Variants in TMEM218 observed in about 807,000 individuals in gnomAD.
TMEM218 encodes transmembrane protein 218.
Under a neutral mutation model 10.0 loss-of-function variants are expected in TMEM218, and 8 were observed. The observed-to-expected ratio is 0.80, with a 90% CI of 0.47 to 1.44. The LOEUF (loss-of-function observed/expected upper bound fraction) is 1.44, where lower values mean the gene tolerates loss of function less well. TMEM218 is among the 40% of genes most tolerant of loss of function. The probability of loss-of-function intolerance (pLI) is 0.00; values close to 1 mark genes in which losing one functional copy is unlikely to be tolerated. For synonymous variants in TMEM218, 66 were observed against 63.5 expected, an observed-to-expected ratio of 1.04 and a Z score of -0.18; for missense variants, 110 against 140.1, an observed-to-expected ratio of 0.79 and a Z score of 1.08.
chr11:125,106,950 A>G (rs1952327267), intron 1 of TMEM218, among the ~76,000 whole-genome samples: 1 of 152,208 alleles, frequency 6.6e-6, no homozygotes, highest in Non-Finnish European at 1.5e-5. Flanking sequence ...ATAGTACTCT[A>G]CAATCTATTC....
intron 1 of TMEM218, among the ~76,000 whole-genome samples, chr11:125,105,840 G>A (rs1011523121): frequency 7.9e-5 from 12 of 151,996 alleles, no homozygotes; most frequent in East Asian, 3.9e-4. Flanking sequence ...CAAAGAATAC[G>A]CAAGGAAAAT....
chr11:125,106,674 C>T (rs1353946237), intron 1 of TMEM218, among the ~76,000 whole-genome samples: 2 of 152,220 alleles, frequency 1.3e-5, no homozygotes, highest in African/African-American at 2.4e-5. Context: ...ATGAAAACAA[C>T]AGACAACAGC....
In TMEM218 at chr11:125,102,188, G is replaced by A. The variant is rs1565425458; in HGVS notation, c.54C>T (p.Leu18=). ...VGAGVFILAL[L]WVAVLLLCVL... The stretch of plus-strand genomic sequence containing the variant: ...CACACAGCAGCAGCACTGCCACCCA[G>A]AGCAGGGCTAAGATGAACACGCCCG... Residue 18 remains leucine, a synonymous_variant, in exon 3 of 5, where the codon CTC becomes CTT. Transcript: ENST00000682305. 4 of 1,612,028 alleles carry A rather than the reference G, an allele frequency of 2.5e-6. 1 individual carries two copies. The highest frequency in any genetic ancestry group is 2.2e-5 in the East Asian group (1 of 44,800).
At chr11:125,110,176 A>ATTATTGTTATTGAG (rs1953444346) in intron 1 of TMEM218, among the ~76,000 whole-genome samples, 1 of 151,628 alleles carries the variant, frequency 6.6e-6, no homozygotes, top group Admixed American at 6.6e-5. Flanking sequence ...GAATAGCTAA[A>ATTATTGTTATTGAG]TTATTGTTAT....
rs1565440544 is a variant in TMEM218, at chr11:125,109,402, GGT to G, written c.-153+2135_-153+2136del. ...CAGAGGGAGGAAGGAAAGGGAATGGGGTTAGGAGTGGAAATAAAAGGGATCTG... is the reference window on the plus strand; with the variant it reads ...CAGAGGGAGGAAGGAAAGGGAATGGGTAGGAGTGGAAATAAAAGGGATCTG... On this transcript the variant is annotated intron_variant, in intron 1 of 4. Transcript: ENST00000682305. Among the ~76,000 whole-genome samples the G allele has an allele frequency of 2.0e-5, 3 of 152,220 alleles. No individual in the cohort carries two copies. In the East Asian group the frequency reaches 5.8e-4, roughly 29 times the overall value.
intron 4 of TMEM218, among the ~76,000 whole-genome samples, chr11:125,099,947 A>AGTGGGGT (rs1950417074): frequency 6.6e-6 from 1 of 151,342 alleles, no homozygotes; most frequent in African/African-American, 2.4e-5. Context: ...AAAAAAGATA[A>AGTGGGGT]GTGAGGTGTG....
At chr11:125,099,269 C>T (rs1225822771) in intron 4 of TMEM218, among the ~76,000 whole-genome samples, 1 of 152,156 alleles carries the variant, frequency 6.6e-6, no homozygotes, top group African/African-American at 2.4e-5. Context: ...ACCTTGGCTC[C>T]GGTACTGAAC....
intron 3 of TMEM218, chr11:125,101,572 A>G: frequency 7.5e-7 from 1 of 1,325,976 alleles, no homozygotes; most frequent in Non-Finnish European, 1.0e-6. Flanking sequence ...CAAAGTCATA[A>G]TCAAGAAAAA....
At chr11:125,106,605 C>T (rs955772855) in intron 1 of TMEM218, among the ~76,000 whole-genome samples, 6 of 152,150 alleles carry the variant, frequency 3.9e-5, no homozygotes, top group African/African-American at 9.7e-5. Flanking sequence ...ATTAGTCATC[C>T]GGAAATTGCA....
chr11:125,094,703 A>C lies in TMEM218; in HGVS notation c.*2903T>G, dbSNP rs192548070. 6.6e-6 allele frequency among the ~76,000 whole-genome samples: 1 copy of C among 152,368 alleles called. No individual in the cohort carries two copies. Among genetic ancestry groups the C allele is most frequent in the East Asian group, 1.9e-4 (1 of 5,192 alleles). ...AAACCAGAAACACTTCAACTGCAAC[A>C]ACCATGAAATAGAGTTGATACTAAA... On this transcript the variant is annotated 3_prime_UTR_variant, in exon 5 of 5. Coordinates refer to ENST00000682305, the MANE Select transcript of TMEM218 (RefSeq NM_001258244.2).
chr11:125,108,274 G>C lies in TMEM218; in HGVS notation c.-153+3265C>G, dbSNP rs1010263435. Among the ~76,000 whole-genome samples, 2 of 152,196 alleles carry C rather than the reference G, an allele frequency of 1.3e-5. No homozygotes were observed. Among genetic ancestry groups the C allele is most frequent in the African/African-American group, 4.8e-5 (2 of 41,442 alleles). On this transcript the variant is annotated intron_variant, in intron 1 of 4. Transcript: ENST00000682305. This position sits in a 1 kb window ranked among gnomAD's most constrained non-coding sequence, Gnocchi z 5.3. ...CAGAAACAGATCCATGCATTTGTGAGAACTTCCTACAGCACAGAGTTGGCT... is the reference window on the plus strand; with the variant it reads ...CAGAAACAGATCCATGCATTTGTGACAACTTCCTACAGCACAGAGTTGGCT...
At chr11:125,107,908 G>C (rs986363894) in intron 1 of TMEM218, among the ~76,000 whole-genome samples, 2 of 148,236 alleles carry the variant, frequency 1.3e-5, no homozygotes, top group East Asian at 3.9e-4. Flanking sequence ...AAGAGAGAGA[G>C]AGGACCTGAA....
At chr11:125,099,190 C>T (rs1388114662) in intron 4 of TMEM218, among the ~76,000 whole-genome samples, 1 of 152,178 alleles carries the variant, frequency 6.6e-6, no homozygotes, top group Non-Finnish European at 1.5e-5. Flanking sequence ...CTCAGCTGCT[C>T]CAGAGATTAC....
At position 125,102,142 on chromosome 11, in the gene TMEM218, C is replaced by T. The variant is rs555162278; in HGVS notation, c.100G>A (p.Gly34Arg). 5.6e-5 allele frequency: 87 copies of T among 1,567,530 alleles called. 1 individual carries two copies. The South Asian group carries it at 7.3e-4, about 13-fold the overall frequency. ...LLCVLLSRAS[G>R]AARFSVIFLF... Reference sequence around the variant, plus strand: ...GACAGAATGCCTTACCTCGCCGCCCCGGAGGCTCTGGACAGCAGCACACAC... The same window carrying T: ...GACAGAATGCCTTACCTCGCCGCCCTGGAGGCTCTGGACAGCAGCACACAC... The change falls in exon 3 of 5, where the codon GGG (glycine) becomes AGG (arginine). Residue 34 changes from glycine (G) to arginine (R), a missense_variant. By Grantham distance (125) the Gly-to-Arg change is moderately radical. Coordinates refer to ENST00000682305, the MANE Select transcript of TMEM218 (RefSeq NM_001258244.2).
chr11:125,101,695 G>A, intron 3 of TMEM218: 2 of 553,496 alleles, frequency 3.6e-6, no homozygotes, highest in South Asian at 5.8e-5. Context: ...TGCAACTCTA[G>A]TGTTTTCAGA....
At position 125,102,137 on chromosome 11, in the gene TMEM218, C is replaced by T. The variant is rs143899984; in HGVS notation, c.105G>A (p.Ala35=). 64 of 1,554,272 alleles carry T rather than the reference C, an allele frequency of 4.1e-5. No homozygotes were observed. In the Admixed American group the frequency reaches 6.5e-4, roughly 16 times the overall value. The change falls in exon 3 of 5, where the codon GCG becomes GCA. Residue 35 remains alanine, a synonymous_variant. Coordinates refer to ENST00000682305, the MANE Select transcript of TMEM218 (RefSeq NM_001258244.2). ...LCVLLSRASG[A]ARFSVIFLFF... is the part of the protein sequence containing the mutation. ...AGTTGGACAGAATGCCTTACCTCGCCGCCCCGGAGGCTCTGGACAGCAGCA... is the reference window on the plus strand; with the variant it reads ...AGTTGGACAGAATGCCTTACCTCGCTGCCCCGGAGGCTCTGGACAGCAGCA...
At chr11:125,107,273 A>C (rs907790023) in intron 1 of TMEM218, among the ~76,000 whole-genome samples, 2 of 152,180 alleles carry the variant, frequency 1.3e-5, no homozygotes, top group African/African-American at 4.8e-5. Flanking sequence ...GGGTTTGTTC[A>C]TACGGTGATG....
At position 125,102,716 on chromosome 11, in the gene TMEM218, G is replaced by A; in HGVS notation, c.-77+18C>T. On this transcript the variant is annotated intron_variant, in intron 2 of 4. Coordinates refer to ENST00000682305, the MANE Select transcript of TMEM218 (RefSeq NM_001258244.2). ...TTGAAGCTCTCAGGTTAAATCCATGGTGTGAGCTGTGACTCACCAGGCAAT... is the reference window on the plus strand; with the variant it reads ...TTGAAGCTCTCAGGTTAAATCCATGATGTGAGCTGTGACTCACCAGGCAAT... 7.8e-7 allele frequency: 1 copy of A among 1,289,836 alleles called. No homozygotes were observed. Among genetic ancestry groups the A allele is most frequent in the Non-Finnish European group, 1.0e-6 (1 of 989,142 alleles). 79.9% of individuals were successfully genotyped at this position (1,289,836 alleles called of 1,614,324 possible).
At chr11:125,105,491 T>C (rs1317763330) in intron 1 of TMEM218, among the ~76,000 whole-genome samples, 1 of 152,146 alleles carries the variant, frequency 6.6e-6, no homozygotes, top group African/African-American at 2.4e-5. Context: ...AGGTATGAGA[T>C]ACAGGAAGCA....
Sources: allele counts gnomAD v4.1 joint callset (sites outside exome capture counted in the v4.1 genomes callset), GRCh38; gene constraint gnomAD v4.1.1; non-coding constraint Gnocchi (gnomAD v3.1); transcripts MANE v1.5; gene names NCBI Gene and HGNC (gene_info 2026-07-23, HGNC 2026-07-21).